Variants in IPPK observed in about 807,000 individuals in gnomAD.
IPPK encodes the protein IPK1 homolog.
Under a neutral mutation model 64.6 loss-of-function variants are expected in IPPK, and 22 were observed. That is an observed-to-expected ratio of 0.34 (90% CI 0.24 to 0.49). The LOEUF (loss-of-function observed/expected upper bound fraction) is 0.49, where lower values mean the gene tolerates loss of function less well. Among genes scored for constraint, IPPK ranks in the 20% least tolerant of loss-of-function variants. The pLI, the probability that IPPK is intolerant of heterozygous loss-of-function variation, is 0.99. For synonymous variants in IPPK, 262 were observed against 247.2 expected (o/e 1.06, Z -0.56); for missense variants, 532 against 630.7 (o/e 0.84, Z 1.68).
rs776025224 is a variant in IPPK at position 92,670,032 on chromosome 9, C to T, written c.-44G>A. On this transcript the variant is annotated 5_prime_UTR_variant, in exon 1 of 13. Transcript: ENST00000287996. ...CGCCTCGCGGGCTAGGACTCGGGGA[C>T]GCGAGCTGGGGGCCGCCCGCCTCGC... 1 of 1,470,612 alleles carries T rather than the reference C, an allele frequency of 6.8e-7. No individual in the cohort carries two copies. 91.1% of individuals were successfully genotyped at this position (1,470,612 alleles called of 1,614,324 possible). A position where few individuals can be genotyped will look rare whatever the true frequency, so the allele number is the denominator to read the frequency against.
At chr9:92,631,211 T>TG (rs1244112734) in intron 11 of IPPK, among the ~76,000 whole-genome samples, 8 of 151,344 alleles carry the variant, frequency 5.3e-5, no homozygotes, top group Non-Finnish European at 8.8e-5. Flanking sequence ...TTTTTTTTTT[T>TG]TTGAGATGGA....
intron 11 of IPPK, among the ~76,000 whole-genome samples, chr9:92,625,208 T>C (rs76727024): frequency 0.12 from 17,625 of 152,240 alleles, 1,103 homozygotes; most frequent in Middle Eastern, 0.15. Context: ...GAAGCAAAAG[T>C]TTAGAAAATT....
intron 10 of IPPK, 40 bp from the exon 11 acceptor site, chr9:92,634,528 G>A (rs766321152): frequency 3.5e-6 from 5 of 1,427,468 alleles, no homozygotes; most frequent in Non-Finnish European, 3.0e-6. Context: ...TGACAAAGCC[G>A]CACGGAGGTT....
Position 92,613,481 on chromosome 9 carries a change from C to T in IPPK, c.*2351G>A. ...AGCCTCACACCGAGTCCACCTTGGACATGGTGGCCACATTACTCAGCTGGG... is the reference window on the plus strand; with the variant it reads ...AGCCTCACACCGAGTCCACCTTGGATATGGTGGCCACATTACTCAGCTGGG... On this transcript the variant is annotated 3_prime_UTR_variant, in exon 13 of 13. Transcript: ENST00000287996. The T allele has an allele frequency of 3.5e-6, 1 of 285,648 alleles. No individual in the cohort carries two copies. Among genetic ancestry groups the T allele is most frequent in the Non-Finnish European group, 6.9e-6 (1 of 145,778 alleles). The allele number at this position is 285,648 out of a possible 1,614,324, so 17.7% of individuals were successfully genotyped here.
chr9:92,652,616 C>T lies in IPPK; in HGVS notation c.249G>A (p.Glu83=), dbSNP rs1246126056. ...HYGEVVQLPL[E]FVKQLCLKIQ... is the part of the protein sequence containing the mutation. ...TCTTTAAACAAAGCTGTTTCACAAA[C>T]TCTAAAGGTAGCTGAACGACCTCCT... The change falls in exon 4 of 13, where the codon GAG becomes GAA. Residue 83 remains glutamate (E), a synonymous_variant. Coordinates refer to ENST00000287996, the MANE Select transcript of IPPK (RefSeq NM_022755.6). 1 of 1,576,726 alleles carries T rather than the reference C, an allele frequency of 6.3e-7. No individual in the cohort carries two copies. Among genetic ancestry groups the T allele is most frequent in the Non-Finnish European group, 8.7e-7 (1 of 1,152,658 alleles).
chr9:92,664,323 T>G (rs1852549528), intron 1 of IPPK, among the ~76,000 whole-genome samples: 1 of 152,228 alleles, frequency 6.6e-6, no homozygotes, highest in Non-Finnish European at 1.5e-5. Context: ...GGATGAAAAG[T>G]GACATCACCA....
At position 92,631,797 on chromosome 9, in the gene IPPK, G is replaced by A. The variant is rs184234263; in HGVS notation, c.1170+2589C>T. Among the ~76,000 whole-genome samples the A allele has an allele frequency of 4.8e-4, 73 of 152,300 alleles. 1 individual carries two copies. The highest frequency in any genetic ancestry group is 1.4e-3 in the African/African-American group (59 of 41,560). ...CGAGTGTGTATGAGAGTGTGTGTGT[G>A]ATCACACGTAGGTTCATGCATCCAC... On this transcript the variant is annotated intron_variant, in intron 11 of 12. Coordinates refer to ENST00000287996, the MANE Select transcript of IPPK (RefSeq NM_022755.6).
chr9:92,646,515 C>T (rs533522657), intron 6 of IPPK, among the ~76,000 whole-genome samples: 88 of 152,062 alleles, frequency 5.8e-4, no homozygotes, highest in Non-Finnish European at 1.1e-3. Flanking sequence ...ATTATCAGTT[C>T]GTCAAAGAAG....
In IPPK at chr9:92,613,566, C is replaced by T. The variant is rs373554873; in HGVS notation, c.*2266G>A. ...GGGCTCTGGAGACGGATGCCTATGGCGCCTCATCTTTAAACTGTCCTTAGT... is the reference window on the plus strand; with the variant it reads ...GGGCTCTGGAGACGGATGCCTATGGTGCCTCATCTTTAAACTGTCCTTAGT... On this transcript the variant is annotated 3_prime_UTR_variant, in exon 13 of 13. Coordinates refer to ENST00000287996, the MANE Select transcript of IPPK (RefSeq NM_022755.6). 1.0e-5 allele frequency: 2 copies of T among 200,410 alleles called. No homozygotes were observed. Among genetic ancestry groups the T allele is most frequent in the Non-Finnish European group, 2.1e-5 (2 of 96,496 alleles). 12.4% of individuals were successfully genotyped at this position (200,410 alleles called of 1,614,324 possible).
At chr9:92,632,494 A>G (rs1005857296) in intron 11 of IPPK, among the ~76,000 whole-genome samples, 1 of 152,208 alleles carries the variant, frequency 6.6e-6, no homozygotes, top group African/African-American at 2.4e-5. Flanking sequence ...AGTAATCCAT[A>G]CTTATTTTGT....
In IPPK at chr9:92,670,050, C is replaced by G; in HGVS notation, c.-62G>C. On this transcript the variant is annotated 5_prime_UTR_variant, in exon 1 of 13. Coordinates refer to ENST00000287996, the MANE Select transcript of IPPK (RefSeq NM_022755.6). ...TCGGGGACGCGAGCTGGGGGCCGCC[C>G]GCCTCGCTGGGAACCAGCCGCTGCG... The G allele has an allele frequency of 7.8e-7, 1 of 1,278,320 alleles. No individual in the cohort carries two copies. The highest frequency in any genetic ancestry group is 1.1e-6 in the Non-Finnish European group (1 of 914,764). The allele number at this position is 1,278,320 out of a possible 1,614,324, so 79.2% of individuals were successfully genotyped here.
At chr9:92,663,861 T>C (rs1484295404) in intron 1 of IPPK, among the ~76,000 whole-genome samples, 1 of 152,220 alleles carries the variant, frequency 6.6e-6, no homozygotes, top group Non-Finnish European at 1.5e-5. Context: ...AACCTGAAGC[T>C]GAGATCAGAC....
intron 3 of IPPK, among the ~76,000 whole-genome samples, chr9:92,654,665 C>T (rs1229275417): frequency 2.0e-5 from 3 of 152,226 alleles, no homozygotes; most frequent in Non-Finnish European, 4.4e-5. Flanking sequence ...GAGGGAAAGC[C>T]CACAGAAATC....
intron 11 of IPPK, among the ~76,000 whole-genome samples, chr9:92,626,852 C>A (rs1437923794): frequency 6.6e-6 from 1 of 150,844 alleles, no homozygotes; most frequent in Non-Finnish European, 1.5e-5. Context: ...TGAGCAAGGA[C>A]AGACTATCAG....
chr9:92,661,240 G>A (rs1400514976), intron 1 of IPPK, among the ~76,000 whole-genome samples: 1 of 152,236 alleles, frequency 6.6e-6, no homozygotes, highest in African/African-American at 2.4e-5. Context: ...AGCCTCGCCT[G>A]CTGGCCCAGC....
rs533484671 is a variant in IPPK at position 92,637,931 on chromosome 9, C to A, written c.916+70G>T. ...GGAGGCTGTGCTGACCGCCTGGCCA[C>A]CCATGGGGACTGCAGAGTCCCAAGG... On this transcript the variant is annotated intron_variant, in intron 9 of 12. Coordinates refer to ENST00000287996, the MANE Select transcript of IPPK (RefSeq NM_022755.6). 2.8e-6 allele frequency: 4 copies of A among 1,425,676 alleles called. No homozygotes were observed. In the Admixed American group the frequency reaches 1.1e-4, roughly 40 times the overall value. The allele number at this position is 1,425,676 out of a possible 1,614,324, so 88.3% of individuals were successfully genotyped here. A position where few individuals can be genotyped will look rare whatever the true frequency, so the allele number is the denominator to read the frequency against.
At position 92,635,408 on chromosome 9, in the gene IPPK, G is replaced by A. The variant is rs1369941668; in HGVS notation, c.917-100C>T. On this transcript the variant is annotated intron_variant, in intron 9 of 12. Transcript: ENST00000287996. This position sits in a 1 kb window ranked among gnomAD's most constrained non-coding sequence, Gnocchi z 4.4. Reference sequence around the variant, plus strand: ...GACCGCAGGGCTCATCCTGGGCTCCGCCATACGGGCATCACCACAGGCAAG... The same window carrying A: ...GACCGCAGGGCTCATCCTGGGCTCCACCATACGGGCATCACCACAGGCAAG... 5 of 1,277,632 alleles carry A rather than the reference G, an allele frequency of 3.9e-6. No homozygotes were observed. The highest frequency in any genetic ancestry group is 2.9e-5 in the South Asian group (2 of 70,022). 79.1% of individuals were successfully genotyped at this position (1,277,632 alleles called of 1,614,324 possible). A position where few individuals can be genotyped will look rare whatever the true frequency, so the allele number is the denominator to read the frequency against.
chr9:92,655,372 A>G (rs1194411435), intron 3 of IPPK, among the ~76,000 whole-genome samples: 1 of 152,192 alleles, frequency 6.6e-6, no homozygotes, highest in Non-Finnish European at 1.5e-5. Context: ...CTGCAGGGCA[A>G]GCAAGCTCTG....
At chr9:92,625,016 C>T (rs975959837) in intron 11 of IPPK, among the ~76,000 whole-genome samples, 6 of 151,906 alleles carry the variant, frequency 3.9e-5, no homozygotes, top group African/African-American at 1.5e-4. Flanking sequence ...CAACAGTTAA[C>T]CCTGGGAGGA....
Sources: gnomAD v4.1 joint callset for allele counts (sites outside exome capture counted in the v4.1 genomes callset) on GRCh38, gnomAD v4.1.1 for gene constraint, Gnocchi (gnomAD v3.1) non-coding constraint, MANE v1.5 for transcripts, NCBI Gene and HGNC (gene_info 2026-07-23, HGNC 2026-07-21) for gene names.